Variants in ZFYVE26 observed in about 807,000 individuals in gnomAD.
The protein encoded by ZFYVE26 is zinc finger FYVE domain-containing protein 26.
A neutral mutation model predicts 276.5 loss-of-function variants in ZFYVE26; 181 were observed. The observed-to-expected ratio is 0.65, with a 90% CI of 0.58 to 0.74. ZFYVE26 has a LOEUF of 0.74. ZFYVE26 is among the 30% of genes least tolerant of loss of function. ZFYVE26 has a pLI of 0.00. For synonymous variants in ZFYVE26, 1,129 were observed against 1,203.1 expected (o/e 0.94, Z 1.27); for missense variants, 2,821 against 3,097.9 (o/e 0.91, Z 2.12).
Position 67,775,755 on chromosome 14 carries a change from T to G in ZFYVE26, c.5221+105A>C, listed in dbSNP as rs2039324728. On this transcript the variant is annotated intron_variant, in intron 26 of 41. Transcript: ENST00000347230. ...GCTCTTCTGAAGTGTATTCATTCACTCTAGATCAACCCAAAATATTAAAAG... is the reference window on the plus strand; with the variant it reads ...GCTCTTCTGAAGTGTATTCATTCACGCTAGATCAACCCAAAATATTAAAAG... 9.0e-6 allele frequency: 14 copies of G among 1,556,738 alleles called. No individual in the cohort carries two copies. In the South Asian group the frequency reaches 1.4e-4, roughly 15 times the overall value.
rs551275325 is a variant in ZFYVE26, at chr14:67,753,697, C to T, written c.7188+10G>A. 1 of 1,612,916 alleles carries T rather than the reference C, an allele frequency of 6.2e-7. No individual in the cohort carries two copies. The highest frequency in any genetic ancestry group is 1.1e-5 in the South Asian group (1 of 90,782). The stretch of plus-strand genomic sequence containing the variant: ...TGTCCTCAGTATGATTTGAATGATC[C>T]AAGTCATACCTGCAGAACACGGAAA... On this transcript the variant is annotated intron_variant, in intron 39 of 41. Coordinates refer to ENST00000347230, the MANE Select transcript of ZFYVE26 (RefSeq NM_015346.4).
rs1341093710 is a variant in ZFYVE26, at chr14:67,798,555, A to T, written c.1707T>A (p.Ser569=). ...CQQYLCSIPD[S]LCLELLENIF... ...TGTTTTCCAGAAGCTCCAGGCACAG[A>T]GAGTCAGGAATACTGCACAGATACT... Residue 569 remains serine (S), a synonymous_variant, in exon 11 of 42, where the codon TCT becomes TCA. Coordinates refer to ENST00000347230, the MANE Select transcript of ZFYVE26 (RefSeq NM_015346.4). 1 of 1,614,066 alleles carries T rather than the reference A, an allele frequency of 6.2e-7. No individual in the cohort carries two copies. Among genetic ancestry groups the T allele is most frequent in the Non-Finnish European group, 8.5e-7 (1 of 1,180,036 alleles).
chr14:67,752,335 G>A lies in ZFYVE26; in HGVS notation c.7371+9C>T. 1 of 1,607,040 alleles carries A rather than the reference G, an allele frequency of 6.2e-7. No homozygotes were observed. The highest frequency in any genetic ancestry group is 1.1e-5 in the South Asian group (1 of 89,396). ...ATGGAGGAGCCAAGAGGTACGGGAG[G>A]GAGTGTACCTGGGGCGGAATTCTCT... On this transcript the variant is annotated intron_variant, in intron 40 of 41. Coordinates refer to ENST00000347230, the MANE Select transcript of ZFYVE26 (RefSeq NM_015346.4).
Position 67,789,440 on chromosome 14 carries a change from T to C in ZFYVE26, c.2914A>G (p.Met972Val), listed in dbSNP as rs747692031. The change falls in exon 16 of 42, where the codon ATG becomes GTG. Residue 972 changes from methionine (M) to valine (V), a missense_variant. By Grantham distance (21) the Met-to-Val change is conservative. Transcript: ENST00000347230. ...GAGCAAGCTAGGTCAAATGCAGCCA[T>C]GGCAGGGGGACTGAGGTCTTCCAGA... ...EVLEDLSPPA[M>V]AAFDLACSQC... 26 of 1,614,054 alleles carry C rather than the reference T, an allele frequency of 1.6e-5. No homozygotes were observed. In the South Asian group the frequency reaches 2.9e-4, roughly 18 times the overall value.
intron 2 of ZFYVE26, among the ~76,000 whole-genome samples, chr14:67,815,255 G>A (rs1170202959): frequency 6.6e-6 from 1 of 152,212 alleles, no homozygotes; most frequent in Non-Finnish European, 1.5e-5. Flanking sequence ...TTAAAGTAAT[G>A]TGCCAATGTC....
Position 67,798,224 on chromosome 14 carries a change from C to A in ZFYVE26, c.2038G>T (p.Ala680Ser). ...HFTSGISGFL[A>S]DEFAIGAFLR... The stretch of plus-strand genomic sequence containing the variant: ...AAGGCCCCTATTGCAAATTCATCAG[C>A]CAGAAATCCACTGATACCACTAGTA... The change falls in exon 11 of 42, where the codon GCT becomes TCT. Residue 680 changes from alanine (A) to serine (S), a missense_variant. By Grantham distance (99) the Ala-to-Ser change is moderately conservative (BLOSUM62 1). Transcript: ENST00000347230. The A allele has an allele frequency of 6.2e-7, 1 of 1,614,176 alleles. No individual in the cohort carries two copies. The highest frequency in any genetic ancestry group is 8.5e-7 in the Non-Finnish European group (1 of 1,180,026).
intron 10 of ZFYVE26, 54 bp from the exon 11 acceptor site, chr14:67,798,676 A>G (rs1252263588): frequency 1.2e-6 from 2 of 1,605,394 alleles, no homozygotes; most frequent in African/African-American, 2.7e-5. Context: ...CAGAGAATGC[A>G]AACATTAGAA....
rs35018134 is a variant in ZFYVE26, at chr14:67,782,955, G to A, written c.4197C>T (p.Thr1399=). 3.2e-3 allele frequency: 5,089 copies of A among 1,614,192 alleles called. 21 individuals carry two copies. Among genetic ancestry groups the A allele is most frequent in the South Asian group, 4.0e-3 (368 of 91,086 alleles). ...TGGGAGAATGTAGGCCCAGGAGAAC[G>A]GTAGAAAGACTGGCCCAACCACAGA... ...VNLCGWASLS[T]VLLGLHSPIA... The change falls in exon 21 of 42, where the codon ACC becomes ACT. Residue 1399 remains threonine, a synonymous_variant. Coordinates refer to ENST00000347230, the MANE Select transcript of ZFYVE26 (RefSeq NM_015346.4).
At chr14:67,767,580 G>T in intron 31 of ZFYVE26, 124 bp downstream of exon 31, 1 of 1,288,464 alleles carries the variant, frequency 7.8e-7, no homozygotes. Context: ...TACTGGTTTA[G>T]CTCCCATATT....
At position 67,815,861 on chromosome 14, in the gene ZFYVE26, A is replaced by G; in HGVS notation, c.103T>C (p.Cys35Arg). ...RRGEWELAQA[C>R]VPQLQEGQGD... The stretch of plus-strand genomic sequence containing the variant: ...TGTCCCTCCTGTAGCTGAGGTACAC[A>G]TGCCTGTGCCAGCTCCCATTCTCCC... Residue 35 changes from cysteine to arginine, a missense_variant, in exon 2 of 42, where the codon TGT becomes CGT. Transcript: ENST00000347230. 6.2e-7 allele frequency: 1 copy of G among 1,614,136 alleles called. No individual in the cohort carries two copies.
rs1238998066 is a variant in ZFYVE26, at chr14:67,753,674, T to A, written c.7188+33A>T. 9 of 1,606,434 alleles carry A rather than the reference T, an allele frequency of 5.6e-6. No homozygotes were observed. The East Asian group carries it at 2.0e-4, about 36-fold the overall frequency. On this transcript the variant is annotated intron_variant, in intron 39 of 41. Transcript: ENST00000347230. ...CGGAACTGTGGTCAGGTGCTGATTG[T>A]CCTCAGTATGATTTGAATGATCCAA...
At chr14:67,810,974 C>T (rs986920108) in intron 3 of ZFYVE26, among the ~76,000 whole-genome samples, 2 of 152,144 alleles carry the variant, frequency 1.3e-5, no homozygotes, top group African/African-American at 4.8e-5. Flanking sequence ...CCATTCACCA[C>T]ATCAGAGGCT....
chr14:67,814,058 C>T lies in ZFYVE26; in HGVS notation c.201G>A (p.Gly67=), dbSNP rs1184639995. The T allele has an allele frequency of 1.2e-6, 2 of 1,613,018 alleles. No individual in the cohort carries two copies. Among genetic ancestry groups the T allele is most frequent in the East Asian group, 4.5e-5 (2 of 44,888 alleles). ...CTACTCTTTGAGGGTTGATGTCCTG[C>T]CCACATCTGAAAAAGGTAAAAAGAA... is the stretch of plus-strand genomic sequence containing the variant. The part of the protein sequence containing the change: ...LVVCPNLLRC[G]QDINPQRVAW... The change falls in exon 3 of 42, where the codon GGG becomes GGA. Residue 67 remains glycine, a synonymous_variant. Coordinates refer to ENST00000347230, the MANE Select transcript of ZFYVE26 (RefSeq NM_015346.4).
At chr14:67,806,474 G>C (rs1489493046) in intron 6 of ZFYVE26, 71 bp downstream of exon 6, 1 of 1,596,090 alleles carries the variant, frequency 6.3e-7, no homozygotes, top group Non-Finnish European at 8.6e-7. Context: ...GAGTGGGAGA[G>C]AAATGAGGAA....
At chr14:67,750,367 A>G (rs1306665670) in intron 41 of ZFYVE26, 1 of 155,282 alleles carries the variant, frequency 6.4e-6, no homozygotes, top group Non-Finnish European at 1.4e-5. Context: ...ATCACAGGGG[A>G]CTCAGCTGTC....
At chr14:67,810,561 A>C (rs558499353) in intron 3 of ZFYVE26, among the ~76,000 whole-genome samples, 1 of 152,172 alleles carries the variant, frequency 6.6e-6, no homozygotes, top group Non-Finnish European at 1.5e-5. Context: ...ATTTTTTCAA[A>C]CAAAAAGGAA....
chr14:67,743,194 C>T (rs762770871), downstream of ZFYVE26, among the ~76,000 whole-genome samples: 10 of 152,142 alleles, frequency 6.6e-5, no homozygotes, highest in Non-Finnish European at 1.0e-4. Flanking sequence ...CTCCTTAATA[C>T]TATATATTAA....
At chr14:67,816,202 G>A (rs554411825) in intron 1 of ZFYVE26, among the ~76,000 whole-genome samples, 156 bp from the exon 2 acceptor site, 2 of 152,272 alleles carry the variant, frequency 1.3e-5, no homozygotes, top group African/African-American at 4.8e-5. Flanking sequence ...CTTTCTTCAA[G>A]GGGTGGATCC....
Position 67,776,072 on chromosome 14 carries a change from C to G in ZFYVE26, c.5009G>C (p.Ser1670Thr). 6.2e-7 allele frequency: 1 copy of G among 1,614,200 alleles called. No individual in the cohort carries two copies. The highest frequency in any genetic ancestry group is 8.5e-7 in the Non-Finnish European group (1 of 1,180,042). The change falls in exon 26 of 42, where the codon AGC (serine) becomes ACC (threonine). Residue 1670 changes from serine to threonine, a missense_variant. By Grantham distance (58) the Ser-to-Thr change is moderately conservative (BLOSUM62 1). Coordinates refer to ENST00000347230, the MANE Select transcript of ZFYVE26 (RefSeq NM_015346.4). Reference protein sequence around the residue: ...LLTLPEQHRASYSHLSSNPLF... With the variant: ...LLTLPEQHRATYSHLSSNPLF... ...GGGGTTAGAGGACAAGTGGGAATAGCTGGCCCGGTGCTGCTCAGGCAGGGT... is the reference window on the plus strand; with the variant it reads ...GGGGTTAGAGGACAAGTGGGAATAGGTGGCCCGGTGCTGCTCAGGCAGGGT...
Sources: allele counts gnomAD v4.1 joint callset (sites outside exome capture counted in the v4.1 genomes callset), GRCh38; gene constraint gnomAD v4.1.1; transcripts MANE v1.5; gene names NCBI Gene and HGNC (gene_info 2026-07-23, HGNC 2026-07-21).